The following SERGEF variants were observed in gnomAD, a reference collection of about 807,000 sequenced individuals.
The protein encoded by SERGEF is secretion regulating guanine nucleotide exchange factor.
A neutral mutation model predicts 50.0 loss-of-function variants in SERGEF; 51 were observed. That is an observed-to-expected ratio of 1.02 (90% CI 0.81 to 1.29). The LOEUF is 1.29. SERGEF is among the 50% of genes most tolerant of loss of function. SERGEF has a pLI of 0.00. For synonymous variants in SERGEF, 205 were observed against 212.4 expected (o/e 0.97, Z 0.30); for missense variants, 521 against 557.0 (o/e 0.94, Z 0.65).
chr11:17,803,108 C>T (rs1849700880), intron 10 of SERGEF, among the ~76,000 whole-genome samples: 1 of 152,258 alleles, frequency 6.6e-6, no homozygotes, highest in Non-Finnish European at 1.5e-5. Flanking sequence ...ACTGGGATCA[C>T]CAATCTGAAG....
intron 9 of SERGEF, among the ~76,000 whole-genome samples, chr11:17,903,300 A>C (rs1851780107): frequency 1.8e-5 from 1 of 56,608 alleles, no homozygotes; most frequent in Non-Finnish European, 4.1e-5. Flanking sequence ...CCTGGCAAAA[A>C]CACAGAGTTG....
chr11:17,989,838 C>T (rs1224997998), intron 7 of SERGEF, among the ~76,000 whole-genome samples: 2 of 152,114 alleles, frequency 1.3e-5, no homozygotes, highest in Non-Finnish European at 1.5e-5. Flanking sequence ...AGTGTGGCTC[C>T]TTATAATTTG....
In SERGEF at chr11:17,788,516, G is replaced by C. The variant is rs1247718917; in HGVS notation, c.1049-103C>G. 1.7e-5 allele frequency: 17 copies of C among 972,854 alleles called. No individual in the cohort carries two copies. In the Admixed American group the frequency reaches 4.4e-4, roughly 25 times the overall value. The allele number at this position is 972,854 out of a possible 1,614,324, so 60.3% of individuals were successfully genotyped here. ...ATCATCATAAACCCCAGTTCACTCA[G>C]GAAGACGCCAAAGCTTAAGGACACA... is the stretch of plus-strand genomic sequence containing the variant. On this transcript the variant is annotated intron_variant, in intron 10 of 10. Coordinates refer to ENST00000265965, the MANE Select transcript of SERGEF (RefSeq NM_012139.4).
chr11:17,912,957 T>G (rs1441365921), intron 9 of SERGEF, among the ~76,000 whole-genome samples: 1 of 152,222 alleles, frequency 6.6e-6, no homozygotes, highest in Non-Finnish European at 1.5e-5. Flanking sequence ...GCTGTGAGAT[T>G]CCAATGAGAT....
At chr11:17,843,540 T>A (rs1479819685) in intron 10 of SERGEF, among the ~76,000 whole-genome samples, 1 of 152,252 alleles carries the variant, frequency 6.6e-6, no homozygotes, top group Non-Finnish European at 1.5e-5. Flanking sequence ...TCCAGTTTTC[T>A]TAGATTCCAA....
chr11:17,814,404 T>C (rs759663796), intron 10 of SERGEF, among the ~76,000 whole-genome samples: 71 of 152,214 alleles, frequency 4.7e-4, no homozygotes, highest in Non-Finnish European at 8.5e-4. Flanking sequence ...GAATCTCTAC[T>C]ATGGATTTTA....
chr11:17,925,375 C>T (rs1377645476), intron 9 of SERGEF, among the ~76,000 whole-genome samples: 4 of 151,928 alleles, frequency 2.6e-5, no homozygotes, highest in Non-Finnish European at 4.4e-5. Flanking sequence ...AAGAAATACG[C>T]TACTGCAGGG....
intron 10 of SERGEF, among the ~76,000 whole-genome samples, chr11:17,837,763 C>T (rs1008063918): frequency 6.6e-6 from 1 of 150,736 alleles, no homozygotes; most frequent in African/African-American, 2.4e-5. Context: ...CGGGTTCAAG[C>T]GGTTCTCCTG....
intron 9 of SERGEF, among the ~76,000 whole-genome samples, chr11:17,896,676 G>GA (rs1333835018): frequency 2.6e-5 from 3 of 113,652 alleles, no homozygotes; most frequent in African/African-American, 6.8e-5. Flanking sequence ...AACGGGAAGG[G>GA]AAGGGGAAGG....
At chr11:17,971,109 G>A (rs926756243) in intron 8 of SERGEF, among the ~76,000 whole-genome samples, 1 of 152,012 alleles carries the variant, frequency 6.6e-6, no homozygotes, top group Admixed American at 6.6e-5. Context: ...CAGGAGAATC[G>A]CTTGAACCCA....
At chr11:17,898,855 C>G (rs1851693496) in intron 9 of SERGEF, among the ~76,000 whole-genome samples, 1 of 152,096 alleles carries the variant, frequency 6.6e-6, no homozygotes, top group Non-Finnish European at 1.5e-5. Flanking sequence ...AAATTGTAAT[C>G]CCCAGTGTTG....
Position 18,006,620 on chromosome 11 carries a change from C to T in SERGEF, c.323G>A (p.Cys108Tyr). ...GAGCATAATCGTAAAATCCCAGCCA[C>T]AGGCCACCTGTTGGATGGGACAGCC... Reference protein sequence around the residue: ...LFGCPIQQVACGWDFTIMLTE... With the variant: ...LFGCPIQQVAYGWDFTIMLTE... Residue 108 changes from cysteine (C) to tyrosine (Y), a missense_variant, in exon 3 of 11, where the codon TGT becomes TAT. Physicochemically the swap from Cys to Tyr is radical, Grantham distance 194 (BLOSUM62 -2). Transcript: ENST00000265965. 1 of 1,614,010 alleles carries T rather than the reference C, an allele frequency of 6.2e-7. No individual in the cohort carries two copies. Among genetic ancestry groups the T allele is most frequent in the Non-Finnish European group, 8.5e-7 (1 of 1,179,970 alleles).
At chr11:17,999,680 G>A (rs1359596150) in intron 5 of SERGEF, 1 of 407,824 alleles carries the variant, frequency 2.5e-6, no homozygotes. Flanking sequence ...CAGACTGTCA[G>A]TCCCATCACC....
intron 1 of SERGEF, 108 bp downstream of exon 1, chr11:18,012,843 G>A: frequency 6.6e-7 from 1 of 1,512,836 alleles, no homozygotes; most frequent in Non-Finnish European, 8.8e-7. Flanking sequence ...CCAGAGCCCG[G>A]CTCGGACCTC....
chr11:17,925,616 T>C (rs1852236307), intron 9 of SERGEF, among the ~76,000 whole-genome samples: 1 of 152,134 alleles, frequency 6.6e-6, no homozygotes, highest in African/African-American at 2.4e-5. Flanking sequence ...CCCTAGTGTT[T>C]CCTCCTTATT....
chr11:17,974,601 G>A (rs1853327994), intron 8 of SERGEF, among the ~76,000 whole-genome samples: 1 of 152,186 alleles, frequency 6.6e-6, no homozygotes, highest in African/African-American at 2.4e-5. Flanking sequence ...GGGCTCATGT[G>A]GGGCAGTGGA....
At chr11:17,951,616 G>A (rs1268962857) in intron 9 of SERGEF, among the ~76,000 whole-genome samples, 1 of 152,160 alleles carries the variant, frequency 6.6e-6, no homozygotes, top group African/African-American at 2.4e-5. Context: ...CATTAGACCT[G>A]ACTACCATCC....
chr11:17,912,376 T>C (rs1851971738), intron 9 of SERGEF, among the ~76,000 whole-genome samples: 1 of 152,210 alleles, frequency 6.6e-6, no homozygotes, highest in African/African-American at 2.4e-5. Context: ...TGAATACCAT[T>C]TGTGGCCTAG....
intron 10 of SERGEF, among the ~76,000 whole-genome samples, chr11:17,838,159 A>C (rs1434000208): frequency 1.3e-5 from 2 of 152,206 alleles, no homozygotes; most frequent in Non-Finnish European, 2.9e-5. Context: ...TAAGGGAAGC[A>C]ACCTGTTTTT....
Sources: allele counts gnomAD v4.1 joint callset (sites outside exome capture counted in the v4.1 genomes callset), GRCh38; gene constraint gnomAD v4.1.1; transcripts MANE v1.5; gene names NCBI Gene and HGNC (gene_info 2026-07-23, HGNC 2026-07-21).